The following GADL1 variants were observed in gnomAD, a reference collection of about 807,000 sequenced individuals.
GADL1 encodes acidic amino acid decarboxylase GADL1.
In GADL1, 71 loss-of-function variants were observed where a neutral mutation model predicts 69.5. The ratio of observed to expected loss-of-function variants is 1.02; its 90% CI spans 0.84 to 1.25. GADL1 has a LOEUF of 1.25. Among genes scored for constraint, GADL1 ranks in the 50% most tolerant of loss-of-function variants. The pLI, the probability that GADL1 is intolerant of heterozygous loss-of-function variation, is 0.00. For missense variants in GADL1, 737 were observed against 631.8 expected (o/e 1.17, Z -1.79); for synonymous variants, 254 against 214.4 (o/e 1.18, Z -1.62).
At chr3:30,882,511 C>A (rs574324692) in intron 1 of GADL1, among the ~76,000 whole-genome samples, 2 of 152,004 alleles carry the variant, frequency 1.3e-5, no homozygotes, top group South Asian at 2.1e-4. Flanking sequence ...AATTTCCTCC[C>A]TTTTTAATAA....
At chr3:30,833,442 C>T (rs756892390) in intron 11 of GADL1, among the ~76,000 whole-genome samples, 5 of 152,136 alleles carry the variant, frequency 3.3e-5, no homozygotes, top group East Asian at 1.9e-4. Flanking sequence ...CCTAGCTAAG[C>T]GTATTAAGTA....
chr3:30,815,341 AG>A (rs1457106439), intron 11 of GADL1, among the ~76,000 whole-genome samples: 2 of 152,196 alleles, frequency 1.3e-5, no homozygotes, highest in Non-Finnish European at 2.9e-5. Flanking sequence ...CTGGTCGGTT[AG>A]GAGGAGGGCT....
At chr3:30,864,251 A>AT (rs57172592) in intron 1 of GADL1, among the ~76,000 whole-genome samples, 55 of 148,004 alleles carry the variant, frequency 3.7e-4, no homozygotes, top group African/African-American at 5.4e-4. Flanking sequence ...AAAAGTTAAG[A>AT]TTTTTTTTTT....
intron 1 of GADL1, among the ~76,000 whole-genome samples, chr3:30,882,605 C>G (rs915586831): frequency 6.6e-6 from 1 of 151,908 alleles, no homozygotes; most frequent in South Asian, 2.1e-4. Flanking sequence ...TCTTTACTAT[C>G]GTGAATAGTG....
chr3:30,795,372 G>C (rs998912868), intron 12 of GADL1, among the ~76,000 whole-genome samples: 2 of 152,070 alleles, frequency 1.3e-5, no homozygotes. Flanking sequence ...CAGAACCAGT[G>C]GTGTTCTAGA....
At chr3:30,863,133 C>A (rs1363430709) in intron 1 of GADL1, among the ~76,000 whole-genome samples, 1 of 151,846 alleles carries the variant, frequency 6.6e-6, no homozygotes, top group Non-Finnish European at 1.5e-5. Context: ...TTTAACAAAT[C>A]ATTCCTTAAA....
At chr3:30,821,605 A>T (rs1329251912) in intron 11 of GADL1, among the ~76,000 whole-genome samples, 1 of 152,034 alleles carries the variant, frequency 6.6e-6, no homozygotes. Flanking sequence ...GGAAGGCTAA[A>T]ATCACACAAA....
chr3:30,876,980 CT>C (rs761140214), intron 1 of GADL1, among the ~76,000 whole-genome samples: 2 of 151,876 alleles, frequency 1.3e-5, no homozygotes, highest in Non-Finnish European at 2.9e-5. Context: ...GATTCAGAGT[CT>C]GATTCTGAAA....
At chr3:30,800,542 T>G (rs1697137225) in intron 12 of GADL1, 2 of 217,772 alleles carry the variant, frequency 9.2e-6, no homozygotes, top group Admixed American at 1.1e-4. Context: ...CCTCTGCCAG[T>G]GTGCCTCAAG....
intron 14 of GADL1, among the ~76,000 whole-genome samples, chr3:30,746,930 G>T (rs764525305): frequency 6.6e-6 from 1 of 152,112 alleles, no homozygotes; most frequent in Non-Finnish European, 1.5e-5. Context: ...GCATTAAAGG[G>T]CAGAAGGATA....
At chr3:30,798,083 C>T (rs563368526) in intron 12 of GADL1, 1 of 152,270 alleles carries the variant, frequency 6.6e-6, no homozygotes, top group South Asian at 2.1e-4. Flanking sequence ...CATGGTGCTT[C>T]CACACTGCCT....
At chr3:30,772,583 C>T (rs1696440637) in intron 14 of GADL1, among the ~76,000 whole-genome samples, 1 of 152,050 alleles carries the variant, frequency 6.6e-6, no homozygotes, top group African/African-American at 2.4e-5. Flanking sequence ...CTTTAGAAAG[C>T]AAAGTGTATA....
At chr3:30,731,785 C>T (rs1695460896) in intron 14 of GADL1, among the ~76,000 whole-genome samples, 1 of 152,134 alleles carries the variant, frequency 6.6e-6, no homozygotes, top group African/African-American at 2.4e-5. Context: ...AAGATTAATT[C>T]CTACAGGCAG....
intron 11 of GADL1, among the ~76,000 whole-genome samples, chr3:30,815,932 T>C (rs944353203): frequency 6.6e-6 from 1 of 152,134 alleles, no homozygotes; most frequent in Admixed American, 6.6e-5. Context: ...ATGAGCTTCA[T>C]GGCCGTGAGC....
intron 1 of GADL1, among the ~76,000 whole-genome samples, chr3:30,881,827 G>A (rs922565180): frequency 1.3e-5 from 2 of 151,856 alleles, no homozygotes; most frequent in Non-Finnish European, 1.5e-5. Context: ...ACTATAAAAA[G>A]TAATTAGGTC....
At position 30,752,551 on chromosome 3, in the gene GADL1, C is replaced by T. The variant is rs1038134572; in HGVS notation, c.1393-24136G>A. Among the ~76,000 whole-genome samples the T allele has an allele frequency of 6.6e-5, 10 of 152,288 alleles. No individual in the cohort carries two copies. In the South Asian group the frequency reaches 1.9e-3, roughly 28 times the overall value. On this transcript the variant is annotated intron_variant, in intron 14 of 14. Coordinates refer to ENST00000282538, the MANE Select transcript of GADL1 (RefSeq NM_207359.3). The stretch of plus-strand genomic sequence containing the variant: ...TGTTTGCTTCTTTAAATCACCATAA[C>T]CACTCATAAACCCAGTCTCGAGGAG...
chr3:30,801,026 A>G lies in GADL1; in HGVS notation c.1113T>C (p.Tyr371=). ...ASYLFQQDKF[Y]DVSYDTGDKS... Reference sequence around the variant, plus strand: ...TGTCTCCTGTGTCATAGCTCACATCATAGAATTTATCCTGCTGGAAGAGGT... The same window carrying G: ...TGTCTCCTGTGTCATAGCTCACATCGTAGAATTTATCCTGCTGGAAGAGGT... The change falls in exon 12 of 15, where the codon TAT becomes TAC. Residue 371 remains tyrosine, a synonymous_variant. Coordinates refer to ENST00000282538, the MANE Select transcript of GADL1 (RefSeq NM_207359.3). 5 of 1,613,958 alleles carry G rather than the reference A, an allele frequency of 3.1e-6. No homozygotes were observed. The highest frequency in any genetic ancestry group is 1.7e-4 in the Middle Eastern group (1 of 6,060).
intron 14 of GADL1, among the ~76,000 whole-genome samples, chr3:30,755,059 A>G (rs1421447570): frequency 2.0e-5 from 3 of 152,190 alleles, no homozygotes; most frequent in Admixed American, 1.3e-4. Flanking sequence ...AGATATCCAG[A>G]GGATTTAGCC....
At chr3:30,823,559 A>C (rs9855861) in intron 11 of GADL1, among the ~76,000 whole-genome samples, 63,608 of 151,636 alleles carry the variant, frequency 0.42, 14,057 homozygotes, top group East Asian at 0.66. Flanking sequence ...AGAAAGATCA[A>C]TTCAGGTCTC....
Sources: gnomAD v4.1 joint callset for allele counts (sites outside exome capture counted in the v4.1 genomes callset) on GRCh38, gnomAD v4.1.1 for gene constraint, MANE v1.5 for transcripts, NCBI Gene and HGNC (gene_info 2026-07-23, HGNC 2026-07-21) for gene names.